Variants in RALGAPA1 observed in about 807,000 individuals in gnomAD.
RALGAPA1 encodes Ral GTPase activating protein catalytic subunit alpha 1, also known as ral GTPase-activating protein subunit alpha-1.
A neutral mutation model predicts 269.6 loss-of-function variants in RALGAPA1; 52 were observed. That is an observed-to-expected ratio of 0.19 (90% CI 0.15 to 0.24). RALGAPA1 has a LOEUF of 0.24. RALGAPA1 is among the 10% of genes least tolerant of loss of function. RALGAPA1 has a pLI of 1.00. For synonymous variants in RALGAPA1, 817 were observed against 1,008.3 expected (o/e 0.81, Z 3.60); for missense variants, 1,917 against 3,013.9 (o/e 0.64, Z 8.52).
chr14:35,793,427 G>A (rs1038232539), intron 1 of RALGAPA1, among the ~76,000 whole-genome samples: 9 of 152,030 alleles, frequency 5.9e-5, no homozygotes, highest in Non-Finnish European at 1.3e-4. Flanking sequence ...AGTAGAGACA[G>A]GGTTTCTCCA....
chr14:35,676,127 G>A (rs764005621), intron 22 of RALGAPA1: 3 of 151,930 alleles, frequency 2.0e-5, no homozygotes, highest in Non-Finnish European at 4.4e-5. Context: ...TAAATCAGCC[G>A]ATTTGCCTCT....
At position 35,674,409 on chromosome 14, in the gene RALGAPA1, G is replaced by A. The variant is rs188888229; in HGVS notation, c.4818+107C>T. On this transcript the variant is annotated intron_variant, in intron 23 of 41. Coordinates refer to ENST00000680220, the MANE Select transcript of RALGAPA1 (RefSeq NM_001346249.2). Reference sequence around the variant, plus strand: ...CAATTAAGTGACTTTGCCATGCAGGGTACCAGTTTATAGTCAAAAAGGGTG... The same window carrying A: ...CAATTAAGTGACTTTGCCATGCAGGATACCAGTTTATAGTCAAAAAGGGTG... 4.6e-4 allele frequency: 575 copies of A among 1,241,334 alleles called. No homozygotes were observed. In the African/African-American group the frequency reaches 5.4e-3, roughly 12 times the overall value. The allele number at this position is 1,241,334 out of a possible 1,614,324, so 76.9% of individuals were successfully genotyped here. A position where few individuals can be genotyped will look rare whatever the true frequency, so the allele number is the denominator to read the frequency against.
At chr14:35,623,093 A>AG (rs1334076703) in intron 35 of RALGAPA1, among the ~76,000 whole-genome samples, 1 of 152,054 alleles carries the variant, frequency 6.6e-6, no homozygotes, top group African/African-American at 2.4e-5. Flanking sequence ...AAAAAAAAAA[A>AG]AAAAAAAATC....
rs2074982318 is a variant in RALGAPA1, at chr14:35,775,826, C to T, written c.107-81G>A. 3 of 1,308,522 alleles carry T rather than the reference C, an allele frequency of 2.3e-6. No homozygotes were observed. In the South Asian group the frequency reaches 6.1e-5, roughly 27 times the overall value. The allele number at this position is 1,308,522 out of a possible 1,614,324, so 81.1% of individuals were successfully genotyped here. ...CAAATATTCAGCGACAAGTTTCCTT[C>T]AAAGTCAAAGAACTGCTCCTAAAAT... On this transcript the variant is annotated intron_variant, in intron 1 of 41. Transcript: ENST00000680220.
At chr14:35,659,310 A>C in intron 27 of RALGAPA1, 114 bp from the exon 28 acceptor site, 2 of 580,590 alleles carry the variant, frequency 3.4e-6, no homozygotes, top group Non-Finnish European at 5.8e-6. Context: ...TGTACTTTCA[A>C]TAAAGAGACC....
intron 4 of RALGAPA1, among the ~76,000 whole-genome samples, chr14:35,768,213 C>T (rs558233786): frequency 6.6e-6 from 1 of 152,168 alleles, no homozygotes; most frequent in Non-Finnish European, 1.5e-5. Context: ...GCAGGGACTA[C>T]AGGCACATAC....
chr14:35,765,712 T>A (rs867492782), intron 4 of RALGAPA1: 1 of 313,764 alleles, frequency 3.2e-6, no homozygotes, highest in African/African-American at 2.2e-5. Flanking sequence ...CCCAGGCTGG[T>A]CTCAAACTCC....
intron 8 of RALGAPA1, among the ~76,000 whole-genome samples, 171 bp from the exon 9 acceptor site, chr14:35,750,861 G>A (rs557992530): frequency 1.3e-5 from 2 of 152,304 alleles, no homozygotes; most frequent in South Asian, 4.1e-4. Context: ...ATGGAACTCA[G>A]AAGAGTGAAC....
intron 35 of RALGAPA1, 56 bp from the exon 36 acceptor site, chr14:35,605,765 T>C (rs1316127802): frequency 6.4e-7 from 1 of 1,573,706 alleles, no homozygotes; most frequent in Non-Finnish European, 8.6e-7. Context: ...TACTCATTCA[T>C]CCAACAATTA....
intron 37 of RALGAPA1, among the ~76,000 whole-genome samples, chr14:35,587,559 G>A (rs8008355): frequency 6.6e-6 from 1 of 152,164 alleles, no homozygotes; most frequent in Admixed American, 6.5e-5. Context: ...ATGAGTTCAT[G>A]TCCTTTGCAG....
intron 39 of RALGAPA1, among the ~76,000 whole-genome samples, chr14:35,566,999 A>G (rs76400959): frequency 0.011 from 1,620 of 151,674 alleles, 28 homozygotes; most frequent in African/African-American, 0.037. Flanking sequence ...TACACTAGGT[A>G]TATATACTAC....
intron 26 of RALGAPA1, among the ~76,000 whole-genome samples, chr14:35,665,482 A>G (rs910543936): frequency 8.5e-5 from 13 of 152,250 alleles, no homozygotes; most frequent in Admixed American, 8.5e-4. Flanking sequence ...AATACCTAAC[A>G]AAAATGCTAA....
chr14:35,684,655 T>G (rs2065761019), intron 20 of RALGAPA1, among the ~76,000 whole-genome samples: 1 of 152,112 alleles, frequency 6.6e-6, no homozygotes, highest in Non-Finnish European at 1.5e-5. Context: ...TCACTGAAAA[T>G]TGAAATAAAA....
At chr14:35,699,463 T>A (rs978517143) in intron 17 of RALGAPA1, among the ~76,000 whole-genome samples, 27 of 152,204 alleles carry the variant, frequency 1.8e-4, no homozygotes, top group African/African-American at 6.3e-4. Flanking sequence ...TGCATTTTAT[T>A]ACATGTTAAT....
At chr14:35,563,484 A>AG (rs2056456989) in intron 39 of RALGAPA1, among the ~76,000 whole-genome samples, 1 of 152,112 alleles carries the variant, frequency 6.6e-6, no homozygotes, top group Non-Finnish European at 1.5e-5. Flanking sequence ...GCTGGGGAGG[A>AG]GTACAGGTAT....
rs145356093 is a variant in RALGAPA1, at chr14:35,771,465, A to G, written c.268-466T>C. On this transcript the variant is annotated intron_variant, in intron 3 of 41. Coordinates refer to ENST00000680220, the MANE Select transcript of RALGAPA1 (RefSeq NM_001346249.2). Reference sequence around the variant, plus strand: ...ATAGTCCCTGAGCTAATTTGATAGTATTGACATTATTTTAGCACTGGCATG... The same window carrying G: ...ATAGTCCCTGAGCTAATTTGATAGTGTTGACATTATTTTAGCACTGGCATG... Among the ~76,000 whole-genome samples the G allele has an allele frequency of 2.0e-5, 3 of 152,316 alleles. No homozygotes were observed. In the East Asian group the frequency reaches 5.8e-4, roughly 29 times the overall value.
Position 35,769,038 on chromosome 14 carries a change from ATATATAT to A in RALGAPA1, c.325+1897_325+1903del, listed in dbSNP as rs1567193005. Among the ~76,000 whole-genome samples, 259 of 36,352 alleles carry A rather than the reference ATATATAT, an allele frequency of 7.1e-3. 5 individuals carry two copies. The highest frequency in any genetic ancestry group is 0.013 in the African/African-American group (114 of 8,712). The allele number at this position is 36,352 out of a possible 152,430, so 23.8% of individuals were successfully genotyped here. On this transcript the variant is annotated intron_variant, in intron 4 of 41. Coordinates refer to ENST00000680220, the MANE Select transcript of RALGAPA1 (RefSeq NM_001346249.2). ...AAAAAAAAAAAAAAAAAAAAAAAAT[ATATATAT>A]ATATATATATATATATATATACACA...
chr14:35,610,439 C>A (rs911430591), intron 35 of RALGAPA1, among the ~76,000 whole-genome samples: 1 of 151,950 alleles, frequency 6.6e-6, no homozygotes, highest in South Asian at 2.1e-4. Context: ...CCCACCACCA[C>A]GCCCGGCTAA....
At chr14:35,808,388 T>A (rs971705726) in intron 1 of RALGAPA1, among the ~76,000 whole-genome samples, 3 of 152,004 alleles carry the variant, frequency 2.0e-5, no homozygotes, top group Non-Finnish European at 1.5e-5. Context: ...TTGGGTGGGG[T>A]TGGCAGTAGT....
Sources: allele counts gnomAD v4.1 joint callset (sites outside exome capture counted in the v4.1 genomes callset), GRCh38; gene constraint gnomAD v4.1.1; transcripts MANE v1.5; gene names NCBI Gene and HGNC (gene_info 2026-07-23, HGNC 2026-07-21).